CNGA1: variants seen among roughly 807,000 people sequenced by gnomAD.
CNGA1 encodes cyclic nucleotide gated channel subunit alpha 1, also known as cyclic nucleotide-gated channel alpha-1.
Under a neutral mutation model 69.7 loss-of-function variants are expected in CNGA1, and 53 were observed. The observed-to-expected ratio is 0.76, with a 90% CI of 0.61 to 0.96. The LOEUF is 0.96. CNGA1 is among the 40% of genes least tolerant of loss of function. The pLI is 0.00. For synonymous variants in CNGA1, 249 were observed against 283.5 expected (o/e 0.88, Z 1.22); for missense variants, 739 against 811.2 (o/e 0.91, Z 1.08).
Position 48,016,640 on chromosome 4 carries a change from G to A in CNGA1, c.-380C>T, listed in dbSNP as rs1715400267. The A allele has an allele frequency of 3.6e-6, 2 of 551,496 alleles. No individual in the cohort carries two copies. Among genetic ancestry groups the A allele is most frequent in the Non-Finnish European group, 3.1e-6 (1 of 318,448 alleles). 34.2% of individuals were successfully genotyped at this position (551,496 alleles called of 1,614,324 possible). A position where few individuals can be genotyped will look rare whatever the true frequency, so the allele number is the denominator to read the frequency against. On this transcript the variant is annotated 5_prime_UTR_variant, in exon 1 of 11. Transcript: ENST00000514170. The stretch of plus-strand genomic sequence containing the variant: ...GCTCCCAGGCCTGCGGGGGCCCTGA[G>A]AATTCGCAACAAGCCCCGGGCAGCA...
rs577544200 is a variant in CNGA1 at position 47,936,918 on chromosome 4, C to T, written c.1564G>A (p.Val522Met). The T allele has an allele frequency of 7.4e-6, 12 of 1,614,126 alleles. 1 individual carries two copies. The African/African-American group carries it at 1.3e-4, about 18-fold the overall frequency. ...MYIIKEGKLAVVADDGVTQFV... is the reference protein window; with the variant it reads ...MYIIKEGKLAMVADDGVTQFV... Reference sequence around the variant, plus strand: ...TGAGTGACTCCATCATCTGCCACCACAGCGAGTTTGCCTTCCTTGATAATG... The same window carrying T: ...TGAGTGACTCCATCATCTGCCACCATAGCGAGTTTGCCTTCCTTGATAATG... The change falls in exon 11 of 11, where the codon GTG becomes ATG. Residue 522 changes from valine to methionine, a missense_variant. Physicochemically the swap from Val to Met is conservative, Grantham distance 21 (BLOSUM62 1). Transcript: ENST00000514170.
chr4:47,941,007 T>C (rs1307070784), intron 9 of CNGA1, 138 bp from the exon 10 acceptor site: 1 of 623,638 alleles, frequency 1.6e-6, no homozygotes, highest in African/African-American at 1.9e-5. Context: ...AGTCCTTTAA[T>C]TAACCATGGC....
intron 2 of CNGA1, among the ~76,000 whole-genome samples, chr4:47,986,967 TAA>T (rs1261919145): frequency 1.4e-5 from 2 of 147,514 alleles, no homozygotes; most frequent in African/African-American, 2.6e-5. Flanking sequence ...TTTAAAAGGA[TAA>T]GAGTATTGTG....
At chr4:47,954,977 G>A (rs568887097) in intron 3 of CNGA1, among the ~76,000 whole-genome samples, 2 of 152,260 alleles carry the variant, frequency 1.3e-5, no homozygotes, top group Non-Finnish European at 2.9e-5. Context: ...TAGACCAGTT[G>A]TTTATAACCA....
intron 3 of CNGA1, among the ~76,000 whole-genome samples, chr4:47,962,584 G>A (rs1740511392): frequency 6.6e-6 from 1 of 152,074 alleles, no homozygotes; most frequent in Non-Finnish European, 1.5e-5. Context: ...TACAGATAAG[G>A]AATCTGGAAC....
At chr4:47,970,378 T>C (rs1740948664) in intron 3 of CNGA1, among the ~76,000 whole-genome samples, 1 of 152,102 alleles carries the variant, frequency 6.6e-6, no homozygotes, top group African/African-American at 2.4e-5. Context: ...CCTGCTAGGA[T>C]TACTGCTCAC....
chr4:47,954,584 G>C (rs1739949392), intron 3 of CNGA1, among the ~76,000 whole-genome samples: 1 of 152,204 alleles, frequency 6.6e-6, no homozygotes, highest in African/African-American at 2.4e-5. Context: ...GACATCGCCT[G>C]CATCTTCCAT....
intron 2 of CNGA1, among the ~76,000 whole-genome samples, chr4:47,989,097 T>C (rs1357948969): frequency 6.6e-6 from 1 of 152,170 alleles, no homozygotes; most frequent in Admixed American, 6.5e-5. Flanking sequence ...TTAGACAAAC[T>C]TTGGTTAAAA....
At chr4:47,938,003 T>C (rs1268955704) in intron 10 of CNGA1, among the ~76,000 whole-genome samples, 174 bp from the exon 11 acceptor site, 1 of 151,640 alleles carries the variant, frequency 6.6e-6, no homozygotes, top group Non-Finnish European at 1.5e-5. Flanking sequence ...CTGTAGAAAA[T>C]ATTCTGCTGT....
intron 3 of CNGA1, among the ~76,000 whole-genome samples, chr4:47,977,795 T>A (rs1741490907): frequency 6.6e-6 from 1 of 151,730 alleles, no homozygotes; most frequent in Admixed American, 6.6e-5. Flanking sequence ...AGTATACATC[T>A]ACACTCATCA....
intron 3 of CNGA1, among the ~76,000 whole-genome samples, chr4:47,981,114 G>A (rs1741687781): frequency 6.6e-6 from 1 of 152,080 alleles, no homozygotes; most frequent in African/African-American, 2.4e-5. Context: ...CCTGTCAAAG[G>A]TATTGTTTTT....
chr4:47,994,879 G>A (rs1742418366), intron 2 of CNGA1, among the ~76,000 whole-genome samples: 1 of 152,114 alleles, frequency 6.6e-6, no homozygotes, highest in South Asian at 2.1e-4. Context: ...CTTGGTAGTG[G>A]TGAATTCTTT....
intron 2 of CNGA1, among the ~76,000 whole-genome samples, chr4:47,995,647 A>T (rs1473090945): frequency 6.6e-6 from 1 of 151,998 alleles, no homozygotes; most frequent in African/African-American, 2.4e-5. Flanking sequence ...TTTTCAGGTA[A>T]ATCAGGGGTT....
rs144342293 is a variant in CNGA1, at chr4:47,947,335, T to C, written c.287+2498A>G. ...GAAAGTGTGAGGTTAATTTCCCCAA[T>C]GGCACAGCTTCAAGCAGTATACAGT... On this transcript the variant is annotated intron_variant, in intron 6 of 10. Coordinates refer to ENST00000514170, the MANE Select transcript of CNGA1 (RefSeq NM_001379270.1). 1.5e-3 allele frequency among the ~76,000 whole-genome samples: 224 copies of C among 152,230 alleles called. 1 individual carries two copies. Among genetic ancestry groups the C allele is most frequent in the African/African-American group, 5.2e-3 (218 of 41,538 alleles).
chr4:48,006,614 T>G (rs1714928870), intron 2 of CNGA1, among the ~76,000 whole-genome samples: 1 of 150,750 alleles, frequency 6.6e-6, no homozygotes, highest in African/African-American at 2.4e-5. Flanking sequence ...GATTAATTAG[T>G]TCAAAAAAAG....
chr4:48,006,628 TA>T (rs1180081624), intron 2 of CNGA1, among the ~76,000 whole-genome samples: 4 of 145,496 alleles, frequency 2.7e-5, no homozygotes, highest in Non-Finnish European at 1.5e-5. Flanking sequence ...AAAAAAGACA[TA>T]ATTTTTTTTT....
At position 47,937,406 on chromosome 4, in the gene CNGA1, A is replaced by G. The variant is rs749874187; in HGVS notation, c.1076T>C (p.Ile359Thr). Residue 359 changes from isoleucine (I) to threonine (T), a missense_variant, in exon 11 of 11, where the codon ATT becomes ACT. By Grantham distance (89) the Ile-to-Thr change is moderately conservative. Coordinates refer to ENST00000514170, the MANE Select transcript of CNGA1 (RefSeq NM_001379270.1). Reference protein sequence around the residue: ...LYWSTLTLTTIGETPPPVRDS... With the variant: ...LYWSTLTLTTTGETPPPVRDS... ...CCTCACGGGAGGGGGTGTTTCACCA[A>G]TGGTAGTCAAAGTCAGTGTAGACCA... 9.9e-6 allele frequency: 16 copies of G among 1,614,188 alleles called. No individual in the cohort carries two copies. The highest frequency in any genetic ancestry group is 1.3e-5 in the Non-Finnish European group (15 of 1,180,042).
rs760929254 is a variant in CNGA1 at position 47,952,673 on chromosome 4, A to T, written c.17T>A (p.Ile6Asn). The change falls in exon 4 of 11, where the codon ATC becomes AAC. Residue 6 changes from isoleucine (I) to asparagine (N), a missense_variant. Transcript: ENST00000514170. ...GGTTACAAAAGACTGCTGTGTATTG[A>T]TAATATTGTTCTTCATGGATAGTTT... MKNNI[I>N]NTQQSFVTMP... The T allele has an allele frequency of 1.2e-6, 2 of 1,604,612 alleles. No homozygotes were observed. Among genetic ancestry groups the T allele is most frequent in the South Asian group, 2.2e-5 (2 of 89,286 alleles).
chr4:47,949,829 T>C lies in CNGA1; in HGVS notation c.287+4A>G. The C allele has an allele frequency of 1.2e-6, 2 of 1,613,292 alleles. No individual in the cohort carries two copies. Among genetic ancestry groups the C allele is most frequent in the Non-Finnish European group, 1.7e-6 (2 of 1,179,256 alleles). ...CTTTGGTTTTCTATTGTAAATATAC[T>C]TACTGGTCCTTATTGCTGCTGTTGT... On this transcript the variant is annotated splice_donor_region_variant and intron_variant, in intron 6 of 10. Coordinates refer to ENST00000514170, the MANE Select transcript of CNGA1 (RefSeq NM_001379270.1).
Sources: gnomAD v4.1 joint callset for allele counts (sites outside exome capture counted in the v4.1 genomes callset) on GRCh38, gnomAD v4.1.1 for gene constraint, MANE v1.5 for transcripts, NCBI Gene and HGNC (gene_info 2026-07-23, HGNC 2026-07-21) for gene names.